The following TRAF7 variants were observed in gnomAD, a reference collection of about 807,000 sequenced individuals.
TRAF7 encodes TNF receptor associated factor 7.
In TRAF7, 45 loss-of-function variants were observed where a neutral mutation model predicts 89.3. The observed-to-expected ratio is 0.50, with a 90% CI of 0.40 to 0.65. The LOEUF is 0.65. Ranked by LOEUF, TRAF7 falls within the 30% of genes least tolerant of loss-of-function variation. TRAF7 has a pLI of 0.00. For synonymous variants in TRAF7, 406 were observed against 369.2 expected (o/e 1.10, Z -1.14); for missense variants, 677 against 918.1 (o/e 0.74, Z 3.39).
chr16:2,174,783 G>T (rs536081391), intron 14 of TRAF7, among the ~76,000 whole-genome samples: 1 of 152,214 alleles, frequency 6.6e-6, no homozygotes, highest in African/African-American at 2.4e-5. Flanking sequence ...GCAAGTAAGC[G>T]TGTGCGTGAG....
chr16:2,160,583 G>T (rs932121700), intron 1 of TRAF7, among the ~76,000 whole-genome samples: 1 of 146,298 alleles, frequency 6.8e-6, no homozygotes, highest in South Asian at 2.2e-4. Flanking sequence ...GGCGGTGCTC[G>T]GGCAGGCGTG....
intron 2 of TRAF7, among the ~76,000 whole-genome samples, chr16:2,164,375 G>C (rs2093073113): frequency 6.7e-6 from 1 of 149,310 alleles, no homozygotes; most frequent in Non-Finnish European, 1.5e-5. Context: ...AAGCGTGTTA[G>C]TGCTGCGTGG....
At position 2,158,394 on chromosome 16, in the gene TRAF7, G is replaced by A. The variant is rs745424145; in HGVS notation, c.-39+2536G>A. Among the ~76,000 whole-genome samples the A allele has an allele frequency of 2.0e-5, 3 of 152,204 alleles. No individual in the cohort carries two copies. The highest frequency in any genetic ancestry group is 2.9e-5 in the Non-Finnish European group (2 of 68,026). On this transcript the variant is annotated intron_variant, in intron 1 of 20. Transcript: ENST00000326181. The surrounding 1 kb of genome is among the most constrained non-coding windows in gnomAD (Gnocchi z 4.7). ...GGCACTGGAGGCTGGGGCTGGTCAC[G>A]TGTAGACCCGGACACCCTCACCCGG...
rs200508111 is a variant in TRAF7, at chr16:2,165,864, C to T, written c.82-15C>T. 2.6e-5 allele frequency: 42 copies of T among 1,613,954 alleles called. No individual in the cohort carries two copies. Among genetic ancestry groups the T allele is most frequent in the Admixed American group, 6.7e-5 (4 of 59,994 alleles). ...GTCCCGGAATGAGGCCAGGTCTCCT[C>T]CGTCCTCCCTCTAGACCAGAATGGA... On this transcript the variant is annotated splice_polypyrimidine_tract_variant and intron_variant, in intron 2 of 20. Coordinates refer to ENST00000326181, the MANE Select transcript of TRAF7 (RefSeq NM_032271.3).
intron 1 of TRAF7, among the ~76,000 whole-genome samples, chr16:2,157,753 G>T (rs1324330405): frequency 1.3e-5 from 2 of 152,146 alleles, no homozygotes; most frequent in African/African-American, 4.8e-5. Context: ...GGCTTGGCAT[G>T]GGACTGGCTC....
intron 1 of TRAF7, among the ~76,000 whole-genome samples, chr16:2,160,467 T>A (rs1216480826): frequency 2.5e-5 from 3 of 120,264 alleles, no homozygotes; most frequent in East Asian, 2.6e-4. Flanking sequence ...GCGGTGTGGA[T>A]GGGCGGGCGG....
intron 1 of TRAF7, among the ~76,000 whole-genome samples, chr16:2,160,537 C>T (rs1414866682): frequency 2.7e-5 from 1 of 37,504 alleles, no homozygotes; most frequent in African/African-American, 1.2e-4. Flanking sequence ...GGTGCTCGGG[C>T]AGGCGGTGTG....
rs1022572987 is a variant in TRAF7 at position 2,161,633 on chromosome 16, G to A, written c.-38-2250G>A. Among the ~76,000 whole-genome samples, 16 of 152,112 alleles carry A rather than the reference G, an allele frequency of 1.1e-4. No individual in the cohort carries two copies. The highest frequency in any genetic ancestry group is 3.9e-4 in the African/African-American group (16 of 41,418). The stretch of plus-strand genomic sequence containing the variant: ...GGTCAGTGTCTCCTAGTGGCTGCCC[G>A]GTGATCCCCTCCCTGCTCCCAGAGG... On this transcript the variant is annotated intron_variant, in intron 1 of 20. Coordinates refer to ENST00000326181, the MANE Select transcript of TRAF7 (RefSeq NM_032271.3). The surrounding 1 kb of genome is among the most constrained non-coding windows in gnomAD (Gnocchi z 5.2).
intron 4 of TRAF7, among the ~76,000 whole-genome samples, chr16:2,169,336 T>A (rs1158627186): frequency 6.6e-6 from 1 of 152,204 alleles, no homozygotes; most frequent in South Asian, 2.1e-4. Context: ...CCGGGCGCTG[T>A]GCTAGGCCGA....
rs971351484 is a variant in TRAF7, at chr16:2,177,022, T to G, written c.*448T>G. Reference sequence around the variant, plus strand: ...GTGCACAGGCACTGGCTGCTGTGAGTGGGGGGGCATGGGGCAGTTTCCTTT... The same window carrying G: ...GTGCACAGGCACTGGCTGCTGTGAGGGGGGGGGCATGGGGCAGTTTCCTTT... On this transcript the variant is annotated 3_prime_UTR_variant, in exon 21 of 21. Coordinates refer to ENST00000326181, the MANE Select transcript of TRAF7 (RefSeq NM_032271.3). The G allele has an allele frequency of 1.8e-5, 6 of 325,624 alleles. No homozygotes were observed. The highest frequency in any genetic ancestry group is 3.5e-5 in the Non-Finnish European group (6 of 172,644). 20.2% of individuals were successfully genotyped at this position (325,624 alleles called of 1,614,324 possible). A position where few individuals can be genotyped will look rare whatever the true frequency, so the allele number is the denominator to read the frequency against.
In TRAF7 at chr16:2,159,957, A is replaced by G. The variant is rs2093050743; in HGVS notation, c.-38-3926A>G. On this transcript the variant is annotated intron_variant, in intron 1 of 20. Transcript: ENST00000326181. The surrounding 1 kb of genome is among the most constrained non-coding windows in gnomAD (Gnocchi z 6.5). ...CCCCTCCAGGTGTGTCTCCAGGGAAAGGGGTGGGTGTCCGCATCCCACATG... is the reference window on the plus strand; with the variant it reads ...CCCCTCCAGGTGTGTCTCCAGGGAAGGGGGTGGGTGTCCGCATCCCACATG... Among the ~76,000 whole-genome samples the G allele has an allele frequency of 6.6e-6, 1 of 152,224 alleles. No individual in the cohort carries two copies. The highest frequency in any genetic ancestry group is 2.4e-5 in the African/African-American group (1 of 41,468).
rs896675606 is a variant in TRAF7, at chr16:2,176,791, C to G, written c.*217C>G. 3 of 684,766 alleles carry G rather than the reference C, an allele frequency of 4.4e-6. No individual in the cohort carries two copies. The highest frequency in any genetic ancestry group is 5.5e-5 in the East Asian group (2 of 36,664). 42.4% of individuals were successfully genotyped at this position (684,766 alleles called of 1,614,324 possible). A position where few individuals can be genotyped will look rare whatever the true frequency, so the allele number is the denominator to read the frequency against. ...CCAGCCCCTCTCTGGGTGCCAGGTACGACGCTTGCCCCGGCCCACCCTCCA... is the reference window on the plus strand; with the variant it reads ...CCAGCCCCTCTCTGGGTGCCAGGTAGGACGCTTGCCCCGGCCCACCCTCCA... On this transcript the variant is annotated 3_prime_UTR_variant, in exon 21 of 21. Transcript: ENST00000326181.
Position 2,176,643 on chromosome 16 carries a change from T to C in TRAF7, c.*69T>C. On this transcript the variant is annotated 3_prime_UTR_variant, in exon 21 of 21. Transcript: ENST00000326181. ...ACCTTTCTGAGCCAGGCTGGCCACA[T>C]GGGGTGGTCTCGGGGTTTCTGCCTG... is the stretch of plus-strand genomic sequence containing the variant. 1 of 1,611,386 alleles carries C rather than the reference T, an allele frequency of 6.2e-7. No homozygotes were observed. Among genetic ancestry groups the C allele is most frequent in the Non-Finnish European group, 8.5e-7 (1 of 1,178,994 alleles).
chr16:2,173,252 G>A lies in TRAF7; in HGVS notation c.865G>A (p.Glu289Lys). 6.2e-7 allele frequency: 1 copy of A among 1,613,374 alleles called. No individual in the cohort carries two copies. Among genetic ancestry groups the A allele is most frequent in the Non-Finnish European group, 8.5e-7 (1 of 1,179,962 alleles). The stretch of plus-strand genomic sequence containing the variant: ...GACTTGCCGCTTCGAGGGCCTGAAG[G>A]AGTTTCTGCAGCAGACGGATGACCG... The part of the protein sequence containing the change: ...LETCRFEGLK[E>K]FLQQTDDRFH... Residue 289 changes from glutamate to lysine, a missense_variant, in exon 10 of 21, where the codon GAG (glutamate) becomes AAG (lysine). This residue lies in a region of TRAF7 where 238 missense variants were observed against 352.6 expected (regional missense o/e 0.67). Transcript: ENST00000326181.
chr16:2,164,688 T>C (rs1452473132), intron 2 of TRAF7, among the ~76,000 whole-genome samples: 2 of 140,402 alleles, frequency 1.4e-5, no homozygotes, highest in Admixed American at 1.4e-4. Context: ...CCTGGTTGCA[T>C]GGTTAAGCGT....
intron 3 of TRAF7, 74 bp downstream of exon 3, chr16:2,166,010 G>A (rs1451247316): frequency 8.3e-6 from 13 of 1,573,316 alleles, no homozygotes; most frequent in Non-Finnish European, 1.0e-5. Flanking sequence ...GCTAAGGACT[G>A]AGGGACACTT....
chr16:2,162,329 G>A lies in TRAF7; in HGVS notation c.-38-1554G>A, dbSNP rs995593510. On this transcript the variant is annotated intron_variant, in intron 1 of 20. Transcript: ENST00000326181. The surrounding 1 kb of genome is among the most constrained non-coding windows in gnomAD (Gnocchi z 5.0). ...AGGGCTTGAGAGCCAGCCCCTCCCTGCACACCTGTAGGCCGGGCTGGGGGG... is the reference window on the plus strand; with the variant it reads ...AGGGCTTGAGAGCCAGCCCCTCCCTACACACCTGTAGGCCGGGCTGGGGGG... 6.6e-6 allele frequency among the ~76,000 whole-genome samples: 1 copy of A among 151,540 alleles called. No homozygotes were observed. The highest frequency in any genetic ancestry group is 1.5e-5 in the Non-Finnish European group (1 of 67,866).
rs2093047999 is a variant in TRAF7 at position 2,159,250 on chromosome 16, G to C, written c.-39+3392G>C. 6.6e-6 allele frequency among the ~76,000 whole-genome samples: 1 copy of C among 152,082 alleles called. No individual in the cohort carries two copies. The highest frequency in any genetic ancestry group is 1.9e-4 in the East Asian group (1 of 5,178). On this transcript the variant is annotated intron_variant, in intron 1 of 20. Transcript: ENST00000326181. The surrounding 1 kb of genome is among the most constrained non-coding windows in gnomAD (Gnocchi z 6.5). ...CTGGGGGAGGAGTTCAGAGGCCTCT[G>C]CAGAGCTGGGGCTGTGGGTGTTGGG...
intron 7 of TRAF7, 65 bp downstream of exon 7, chr16:2,171,670 C>A (rs905596280): frequency 1.2e-6 from 2 of 1,609,164 alleles, no homozygotes; most frequent in East Asian, 4.5e-5. Flanking sequence ...CAGAGGCGGG[C>A]GGCTTCTCCC....
Sources: gnomAD v4.1 joint callset for allele counts (sites outside exome capture counted in the v4.1 genomes callset) on GRCh38, gnomAD v4.1.1 for gene constraint, gnomAD v4.1.1 regional missense constraint, Gnocchi (gnomAD v3.1) non-coding constraint, MANE v1.5 for transcripts, NCBI Gene and HGNC (gene_info 2026-07-23, HGNC 2026-07-21) for gene names.